CA6: variants seen among roughly 807,000 people sequenced by gnomAD.
CA6 encodes carbonate dehydratase VI.
Under a neutral mutation model 35.9 loss-of-function variants are expected in CA6, and 28 were observed. The ratio of observed to expected loss-of-function variants is 0.78; its 90% CI spans 0.58 to 1.07. CA6 has a LOEUF of 1.07. Ranked by LOEUF, CA6 falls within the 50% of genes least tolerant of loss-of-function variation. CA6 has a pLI of 0.00. For missense variants in CA6, 377 were observed against 382.0 expected, an observed-to-expected ratio of 0.99 and a Z score of 0.11; for synonymous variants, 148 against 152.6, an observed-to-expected ratio of 0.97 and a Z score of 0.22.
intron 7 of CA6, chr1:8,974,256 T>G: frequency 8.6e-6 from 7 of 816,032 alleles, no homozygotes; most frequent in African/African-American, 1.7e-5. Flanking sequence ...AGGAGTGAAT[T>G]GAGAAACCAA....
In CA6 at chr1:8,973,771, TC is replaced by T. The variant is rs1284976162; in HGVS notation, c.845-850del. 1.5e-3 allele frequency among the ~76,000 whole-genome samples: 29 copies of T among 19,800 alleles called. 1 individual carries two copies. Among genetic ancestry groups the T allele is most frequent in the Admixed American group, 7.2e-3 (12 of 1,662 alleles). 13.0% of individuals were successfully genotyped at this position (19,800 alleles called of 152,430 possible). Reference sequence around the variant, plus strand: ...TTCTTTCTTTCTTTCTTTCTTTCTTTCTTTCTTTCTTTCTTTTCCCTCCCTC... The same window carrying T: ...TTCTTTCTTTCTTTCTTTCTTTCTTTTTTCTTTCTTTCTTTTCCCTCCCTC... On this transcript the variant is annotated intron_variant, in intron 7 of 7. Transcript: ENST00000377443.
chr1:8,947,587 A>T (rs573648192), intron 1 of CA6, among the ~76,000 whole-genome samples: 27 of 152,188 alleles, frequency 1.8e-4, no homozygotes, highest in African/African-American at 5.8e-4. Context: ...TCAGAGGTGA[A>T]GGAAGAGAGA....
chr1:8,960,981 A>G (rs950554643), intron 4 of CA6, among the ~76,000 whole-genome samples: 1 of 152,190 alleles, frequency 6.6e-6, no homozygotes, highest in African/African-American at 2.4e-5. Context: ...CAAACTGTTG[A>G]AAGCAGCAAG....
chr1:8,951,058 A>T (rs746547854), intron 2 of CA6, among the ~76,000 whole-genome samples: 6 of 151,516 alleles, frequency 4.0e-5, no homozygotes, highest in South Asian at 2.1e-4. Flanking sequence ...TCTACTAAAA[A>T]CACAAAAATT....
At chr1:8,953,789 G>A (rs1262958000) in intron 2 of CA6, among the ~76,000 whole-genome samples, 1 of 152,152 alleles carries the variant, frequency 6.6e-6, no homozygotes, top group South Asian at 2.1e-4. Context: ...GTAAGATAAG[G>A]TTGAGACCTA....
chr1:8,966,906 G>T (rs1464265205), intron 5 of CA6, among the ~76,000 whole-genome samples: 9 of 152,090 alleles, frequency 5.9e-5, no homozygotes, highest in Admixed American at 5.9e-4. Context: ...AGCGGTTGTG[G>T]CAGGAAGAGC....
At chr1:8,951,070 G>T (rs978663119) in intron 2 of CA6, among the ~76,000 whole-genome samples, 1 of 151,764 alleles carries the variant, frequency 6.6e-6, no homozygotes, top group African/African-American at 2.4e-5. Flanking sequence ...ACAAAAATTG[G>T]TTGGGCGTGG....
At chr1:8,954,486 A>C (rs1639623629) in intron 2 of CA6, among the ~76,000 whole-genome samples, 1 of 151,502 alleles carries the variant, frequency 6.6e-6, no homozygotes. Context: ...TTTCTTAATA[A>C]ACTTGCTTTC....
intron 7 of CA6, among the ~76,000 whole-genome samples, chr1:8,971,404 C>T (rs1349143172): frequency 1.2e-4 from 18 of 151,376 alleles, no homozygotes; most frequent in Admixed American, 2.6e-4. Flanking sequence ...CTCTGCTTCC[C>T]GGGTTCAAGC....
chr1:8,961,909 C>T (rs1201161529), intron 4 of CA6, among the ~76,000 whole-genome samples: 1 of 152,172 alleles, frequency 6.6e-6, no homozygotes, highest in Non-Finnish European at 1.5e-5. Context: ...AAGCCCTCCT[C>T]ATCACAAAGA....
rs577791737 is a variant in CA6, at chr1:8,951,763, G to A, written c.259+2321G>A. 58 of 707,290 alleles carry A rather than the reference G, an allele frequency of 8.2e-5. No homozygotes were observed. In the Admixed American group the frequency reaches 8.6e-4, roughly 11 times the overall value. The allele number at this position is 707,290 out of a possible 1,614,324, so 43.8% of individuals were successfully genotyped here. A position where few individuals can be genotyped will look rare whatever the true frequency, so the allele number is the denominator to read the frequency against. The stretch of plus-strand genomic sequence containing the variant: ...TTCCTTTGGGGTTCTCACCTCACAC[G>A]ACAGCATGTCGGACATTAGAGTGGA... On this transcript the variant is annotated intron_variant, in intron 2 of 7. Transcript: ENST00000377443.
intron 5 of CA6, among the ~76,000 whole-genome samples, chr1:8,964,292 G>A (rs1185009016): frequency 6.6e-6 from 1 of 152,114 alleles, no homozygotes; most frequent in Non-Finnish European, 1.5e-5. Context: ...TCTGTCACCA[G>A]GCTGGAGTGC....
chr1:8,951,085 G>A (rs1171082111), intron 2 of CA6, among the ~76,000 whole-genome samples: 4 of 151,874 alleles, frequency 2.6e-5, no homozygotes, highest in East Asian at 1.9e-4. Context: ...GCGTGGTGGC[G>A]CATGCCTGTA....
At position 8,970,929 on chromosome 1, in the gene CA6, C is replaced by G; in HGVS notation, c.792C>G (p.Arg264=). Reference sequence around the variant, plus strand: ...ACAAGACCATCCACAACGATTACCGCAGGACCCAGCCCCTGAACCACAGAG... The same window carrying G: ...ACAAGACCATCCACAACGATTACCGGAGGACCCAGCCCCTGAACCACAGAG... The part of the protein sequence containing the change: ...HRNKTIHNDY[R]RTQPLNHRVV... Residue 264 remains arginine (R), a synonymous_variant, in exon 7 of 8, where the codon CGC becomes CGG. Transcript: ENST00000377443. 1 of 1,614,124 alleles carries G rather than the reference C, an allele frequency of 6.2e-7. No individual in the cohort carries two copies. Among genetic ancestry groups the G allele is most frequent in the Admixed American group, 1.7e-5 (1 of 60,014 alleles).
chr1:8,961,964 G>A lies in CA6; in HGVS notation c.502-623G>A, dbSNP rs376498783. ...TGCCCAAAACAAGTGCACAGACCAG[G>A]TGCGGTGGCTCACGCCTGTAATCCC... On this transcript the variant is annotated intron_variant, in intron 4 of 7. Coordinates refer to ENST00000377443, the MANE Select transcript of CA6 (RefSeq NM_001215.4). Among the ~76,000 whole-genome samples, 24 of 152,298 alleles carry A rather than the reference G, an allele frequency of 1.6e-4. 1 individual carries two copies. In the South Asian group the frequency reaches 5.0e-3, roughly 32 times the overall value.
intron 2 of CA6, chr1:8,951,826 AT>A (rs34846629): frequency 2.9e-3 from 783 of 273,000 alleles, no homozygotes; most frequent in Middle Eastern, 6.8e-3. Context: ...ATTAAAAACA[AT>A]TTTTTTTTTT....
intron 7 of CA6, among the ~76,000 whole-genome samples, chr1:8,973,174 C>T (rs917293977): frequency 6.6e-6 from 1 of 152,146 alleles, no homozygotes; most frequent in Non-Finnish European, 1.5e-5. Flanking sequence ...CACGCGCCCC[C>T]ACGCCAGGCT....
intron 1 of CA6, among the ~76,000 whole-genome samples, chr1:8,947,785 G>A (rs937786867): frequency 3.9e-5 from 6 of 151,934 alleles, no homozygotes; most frequent in East Asian, 1.9e-4. Flanking sequence ...CTGAGAAGGC[G>A]TTGTGCTCCA....
At chr1:8,972,644 C>G (rs1640139896) in intron 7 of CA6, among the ~76,000 whole-genome samples, 1 of 152,098 alleles carries the variant, frequency 6.6e-6, no homozygotes, top group Non-Finnish European at 1.5e-5. Context: ...GATTGCGCCA[C>G]TGCACTCCAG....
Sources: gnomAD v4.1 joint callset for allele counts (sites outside exome capture counted in the v4.1 genomes callset) on GRCh38, gnomAD v4.1.1 for gene constraint, MANE v1.5 for transcripts, NCBI Gene and HGNC (gene_info 2026-07-23, HGNC 2026-07-21) for gene names.